TNS1: variants seen among roughly 807,000 people sequenced by gnomAD.
The protein encoded by TNS1 is tensin 1, also known as tensin-1.
In TNS1, 62 loss-of-function variants were observed where a neutral mutation model predicts 168.6. The observed-to-expected ratio is 0.37, with a 90% CI of 0.30 to 0.45. TNS1 has a LOEUF of 0.45. Ranked by LOEUF, TNS1 falls within the 20% of genes least tolerant of loss-of-function variation. The pLI is 1.00. For missense variants in TNS1, 2,240 were observed against 2,339.4 expected, an observed-to-expected ratio of 0.96 and a Z score of 0.88; for synonymous variants, 934 against 933.2, an observed-to-expected ratio of 1.00 and a Z score of -0.02.
chr2:218,003,922 G>A (rs888151978), upstream of TNS1, among the ~76,000 whole-genome samples: 14 of 152,056 alleles, frequency 9.2e-5, no homozygotes, highest in Admixed American at 2.0e-4. Context: ...ATTGTTGGGG[G>A]TCTAGAGGGT....
intron 3 of TNS1, among the ~76,000 whole-genome samples, chr2:217,940,474 C>T (rs1020791145): frequency 1.3e-5 from 2 of 152,174 alleles, no homozygotes; most frequent in Non-Finnish European, 1.5e-5. Context: ...CTCAGGCTCA[C>T]GGCACACTCA....
chr2:217,959,051 G>C (rs1440166141), intron 3 of TNS1, among the ~76,000 whole-genome samples: 1 of 152,144 alleles, frequency 6.6e-6, no homozygotes, highest in Non-Finnish European at 1.5e-5. Context: ...CAGGCTGAAG[G>C]GGAACCTAGT....
At chr2:217,895,095 G>C (rs376772423) in intron 8 of TNS1, 39 bp from the exon 9 acceptor site, 80 of 1,587,918 alleles carry the variant, frequency 5.0e-5, no homozygotes, top group Middle Eastern at 3.3e-4. Context: ...AGGAGGTGAG[G>C]GTGAGGAGGG....
At chr2:217,961,875 A>C (rs1300147411) in intron 3 of TNS1, among the ~76,000 whole-genome samples, 2 of 152,264 alleles carry the variant, frequency 1.3e-5, no homozygotes, top group Non-Finnish European at 2.9e-5. Flanking sequence ...TAATGTCTAC[A>C]GTCAGGGACC....
chr2:217,934,116 C>T (rs1956474456), intron 3 of TNS1, among the ~76,000 whole-genome samples: 1 of 152,180 alleles, frequency 6.6e-6, no homozygotes, highest in Non-Finnish European at 1.5e-5. Flanking sequence ...GCCAAGGTCA[C>T]ACAGCGATGA....
At chr2:217,868,130 T>C (rs936209905) in intron 18 of TNS1, among the ~76,000 whole-genome samples, 1 of 152,246 alleles carries the variant, frequency 6.6e-6, no homozygotes, top group Non-Finnish European at 1.5e-5. Context: ...AAGAAGCGAA[T>C]GTGACTGAGG....
chr2:217,972,445 C>T (rs1957793119), intron 3 of TNS1, among the ~76,000 whole-genome samples: 1 of 152,248 alleles, frequency 6.6e-6, no homozygotes, highest in African/African-American at 2.4e-5. Flanking sequence ...GAAAGGTAAT[C>T]TGCAATGAGA....
intron 3 of TNS1, among the ~76,000 whole-genome samples, chr2:217,924,719 A>C (rs1234729757): frequency 6.6e-6 from 1 of 152,182 alleles, no homozygotes; most frequent in Non-Finnish European, 1.5e-5. Flanking sequence ...CTCCCATTTC[A>C]CATATGGAGA....
chr2:217,924,410 G>A (rs1021757333), intron 3 of TNS1, among the ~76,000 whole-genome samples: 1 of 152,178 alleles, frequency 6.6e-6, no homozygotes, highest in Admixed American at 6.5e-5. Context: ...TTATAGGTGT[G>A]TGTGCTTCCT....
At chr2:217,938,031 C>A (rs1262051859) in intron 3 of TNS1, among the ~76,000 whole-genome samples, 1 of 152,192 alleles carries the variant, frequency 6.6e-6, no homozygotes, top group Non-Finnish European at 1.5e-5. Flanking sequence ...CCCACCTCTA[C>A]ATGAGAAATG....
chr2:217,891,760 C>T (rs1005798015), intron 11 of TNS1, among the ~76,000 whole-genome samples: 1 of 152,196 alleles, frequency 6.6e-6, no homozygotes, highest in Non-Finnish European at 1.5e-5. Flanking sequence ...TCTTCCCTCA[C>T]TTGCTCAGCT....
intron 18 of TNS1, among the ~76,000 whole-genome samples, chr2:217,851,000 T>G (rs1475091970): frequency 2.6e-5 from 4 of 152,168 alleles, no homozygotes; most frequent in African/African-American, 9.7e-5. Flanking sequence ...AAACTGAGCC[T>G]CTGAGAGGGG....
In TNS1 at chr2:217,897,937, C is replaced by T. The variant is rs893931687; in HGVS notation, c.404G>A (p.Ser135Asn). Reference sequence around the variant, plus strand: ...GACGTACACCAGGTCCAGCTCACAGCTGTCCTCCATGGTCCGGCTCACACT... The same window carrying T: ...GACGTACACCAGGTCCAGCTCACAGTTGTCCTCCATGGTCCGGCTCACACT... The part of the protein sequence containing the change: ...NMSVSRTMED[S>N]CELDLVYVTE... The change falls in exon 8 of 33, where the codon AGC becomes AAC. Residue 135 changes from serine (S) to asparagine (N), a missense_variant. By Grantham distance (46) the Ser-to-Asn change is conservative (BLOSUM62 1). Coordinates refer to ENST00000682258, the MANE Select transcript of TNS1 (RefSeq NM_001387777.1). The T allele has an allele frequency of 9.3e-6, 15 of 1,611,668 alleles. No homozygotes were observed. Among genetic ancestry groups the T allele is most frequent in the Non-Finnish European group, 1.2e-5 (14 of 1,178,876 alleles).
intron 3 of TNS1, among the ~76,000 whole-genome samples, chr2:217,961,692 A>AC (rs897009677): frequency 3.3e-5 from 5 of 152,008 alleles, no homozygotes; most frequent in African/African-American, 7.2e-5. Flanking sequence ...GCCCGGTGGG[A>AC]CCCCCCCATT....
chr2:218,014,626 T>G (rs1031810061), upstream of TNS1, among the ~76,000 whole-genome samples: 13 of 152,224 alleles, frequency 8.5e-5, no homozygotes, highest in Admixed American at 7.2e-4. Context: ...GTCCTTCGAT[T>G]GCTTTGAGCC....
chr2:217,854,020 C>T (rs1947832729), intron 18 of TNS1, among the ~76,000 whole-genome samples: 2 of 152,240 alleles, frequency 1.3e-5, no homozygotes, highest in South Asian at 4.1e-4. Flanking sequence ...TCACAAGAAC[C>T]TCCTCTGGAG....
chr2:217,985,140 T>A (rs946981165), intron 2 of TNS1, among the ~76,000 whole-genome samples: 1 of 151,964 alleles, frequency 6.6e-6, no homozygotes. Context: ...AAGACAATTC[T>A]TCTTTTCCCA....
At chr2:217,925,941 T>C (rs970583096) in intron 3 of TNS1, among the ~76,000 whole-genome samples, 1 of 152,240 alleles carries the variant, frequency 6.6e-6, no homozygotes, top group African/African-American at 2.4e-5. Flanking sequence ...GGCTGAATTC[T>C]ATGTCCTCCT....
chr2:217,892,287 A>G (rs1247891085), intron 11 of TNS1, among the ~76,000 whole-genome samples: 1 of 152,106 alleles, frequency 6.6e-6, no homozygotes, highest in Non-Finnish European at 1.5e-5. Flanking sequence ...TTTTTAGTAG[A>G]GACGGAGTTT....
Sources: allele counts gnomAD v4.1 joint callset (sites outside exome capture counted in the v4.1 genomes callset), GRCh38; gene constraint gnomAD v4.1.1; transcripts MANE v1.5; gene names NCBI Gene and HGNC (gene_info 2026-07-23, HGNC 2026-07-21).